Variants in LTA4H observed in about 807,000 individuals in gnomAD.
LTA4H encodes the protein leukotriene A-4 hydrolase.
Under a neutral mutation model 89.8 loss-of-function variants are expected in LTA4H, and 59 were observed. The ratio of observed to expected loss-of-function variants is 0.66; its 90% CI spans 0.53 to 0.82. The LOEUF (loss-of-function observed/expected upper bound fraction) is 0.82. LTA4H is among the 40% of genes least tolerant of loss of function. LTA4H has a pLI of 0.00. For synonymous variants in LTA4H, 227 were observed against 253.1 expected (o/e 0.90, Z 0.98); for missense variants, 617 against 727.0 (o/e 0.85, Z 1.74).
chr12:96,030,344 T>C (rs2247330), intron 1 of LTA4H, among the ~76,000 whole-genome samples: 45,955 of 152,066 alleles, frequency 0.3, 7,251 homozygotes, highest in East Asian at 0.42. Flanking sequence ...ACATCTTCAA[T>C]TAGTATCTCT....
Position 96,021,003 on chromosome 12 carries a change from T to C in LTA4H, c.638+82A>G, listed in dbSNP as rs140771386. The C allele has an allele frequency of 2.9e-6, 3 of 1,050,412 alleles. No individual in the cohort carries two copies. The Admixed American group carries it at 7.3e-5, about 25-fold the overall frequency. 65.1% of individuals were successfully genotyped at this position (1,050,412 alleles called of 1,614,324 possible). On this transcript the variant is annotated intron_variant, in intron 6 of 18. Coordinates refer to ENST00000228740, the MANE Select transcript of LTA4H (RefSeq NM_000895.3). Reference sequence around the variant, plus strand: ...GATATCTTGAGAAATATGCAAATGATTGACCAATTAACCTTGAGAGAAGTT... The same window carrying C: ...GATATCTTGAGAAATATGCAAATGACTGACCAATTAACCTTGAGAGAAGTT...
intron 1 of LTA4H, among the ~76,000 whole-genome samples, chr12:96,035,000 G>T (rs74457637): frequency 0.1 from 15,644 of 152,222 alleles, 1,049 homozygotes; most frequent in East Asian, 0.3. Flanking sequence ...AAAATTATGG[G>T]GGCTACTGCA....
At chr12:96,027,741 C>A in intron 2 of LTA4H, 177 bp from the exon 3 acceptor site, 1 of 386,024 alleles carries the variant, frequency 2.6e-6, no homozygotes, top group Non-Finnish European at 4.6e-6. Context: ...GTTTTCCTAC[C>A]TAATTGCCAG....
rs768954566 is a variant in LTA4H, at chr12:96,015,645, A to G, written c.997T>C (p.Leu333=). 2.5e-6 allele frequency: 4 copies of G among 1,614,114 alleles called. No homozygotes were observed. In the South Asian group the frequency reaches 4.4e-5, roughly 18 times the overall value. The change falls in exon 11 of 19, where the codon TTG becomes CTG. Residue 333 remains leucine (L), a synonymous_variant. Coordinates refer to ENST00000228740, the MANE Select transcript of LTA4H (RefSeq NM_000895.3). Reference sequence around the variant, plus strand: ...AAATGTCTGAACTTTTCACCAAACAATCGTCCGCAAATGTGGCGTTCCAAG... The same window carrying G: ...AAATGTCTGAACTTTTCACCAAACAGTCGTCCGCAAATGTGGCGTTCCAAG... ...VYLERHICGR[L]FGEKFRHFNA...
At chr12:96,028,584 A>G (rs1306100448) in intron 2 of LTA4H, among the ~76,000 whole-genome samples, 7 of 152,174 alleles carry the variant, frequency 4.6e-5, no homozygotes, top group Non-Finnish European at 1.0e-4. Flanking sequence ...CAGCAGGGTT[A>G]CTGTAAGGAT....
chr12:96,012,051 CCT>C (rs1950309496), intron 14 of LTA4H: 1 of 152,226 alleles, frequency 6.6e-6, no homozygotes. Flanking sequence ...TACCTGAGCT[CCT>C]GTTTCCCACC....
Position 96,006,397 on chromosome 12 carries a change from C to A in LTA4H, c.1447G>T (p.Asp483Tyr), listed in dbSNP as rs532536692. The A allele has an allele frequency of 3.1e-6, 5 of 1,604,480 alleles. No homozygotes were observed. Among genetic ancestry groups the A allele is most frequent in the Non-Finnish European group, 4.3e-6 (5 of 1,173,178 alleles). The change falls in exon 16 of 19, where the codon GAT becomes TAT. Residue 483 changes from aspartate (D) to tyrosine (Y), a missense_variant. Around this residue, in one of 3 missense-constraint regions of LTA4H, gnomAD observed 290 missense variants for 339.1 expected, o/e 0.86. Transcript: ENST00000228740. ...SQRWITAKED[D>Y]LNSFNATDLK... ...TCTGTGGCATTGAATGAATTTAAAT[C>A]ATCTTCTTTGGCCTGAAATAAATGT...
chr12:96,017,483 T>C, intron 9 of LTA4H, 74 bp downstream of exon 9: 1 of 1,268,878 alleles, frequency 7.9e-7, no homozygotes, highest in South Asian at 1.3e-5. Context: ...AACATAAAAA[T>C]ACAAGGGATA....
At chr12:96,024,338 C>T (rs926293660) in intron 4 of LTA4H, 141 bp downstream of exon 4, 4 of 533,026 alleles carry the variant, frequency 7.5e-6, no homozygotes, top group East Asian at 3.2e-5. Flanking sequence ...GCCACAGCCT[C>T]TTTGTTTACA....
chr12:96,012,798 C>T, intron 14 of LTA4H: 1 of 168,944 alleles, frequency 5.9e-6, no homozygotes, highest in Non-Finnish European at 1.3e-5. Context: ...ACTAGCTGTG[C>T]AACCTAGGGC....
chr12:96,014,889 T>G lies in LTA4H; in HGVS notation c.1170A>C (p.Leu390Phe). Reference protein sequence around the residue: ...SSVPYEKGFALLFYLEQLLGG... With the variant: ...SSVPYEKGFAFLFYLEQLLGG... ...CAAGCAGTTGTTCAAGGTAAAAAAGTAAAGCAAAGCCCTTCTCATAGGGAA... is the reference window on the plus strand; with the variant it reads ...CAAGCAGTTGTTCAAGGTAAAAAAGGAAAGCAAAGCCCTTCTCATAGGGAA... Residue 390 changes from leucine to phenylalanine, a missense_variant, in exon 12 of 19, where the codon TTA becomes TTC. Coordinates refer to ENST00000228740, the MANE Select transcript of LTA4H (RefSeq NM_000895.3). 6.2e-7 allele frequency: 1 copy of G among 1,613,420 alleles called. No homozygotes were observed. Among genetic ancestry groups the G allele is most frequent in the Non-Finnish European group, 8.5e-7 (1 of 1,179,720 alleles).
intron 17 of LTA4H, 48 bp from the exon 18 acceptor site, chr12:96,003,112 G>T: frequency 8.2e-7 from 1 of 1,217,880 alleles, no homozygotes; most frequent in Non-Finnish European, 1.2e-6. Flanking sequence ...TGAGGAAGGG[G>T]CAGGATATGA....
Position 96,000,958 on chromosome 12 carries a change from G to A in LTA4H, c.*31C>T. 2 of 1,374,784 alleles carry A rather than the reference G, an allele frequency of 1.5e-6. No individual in the cohort carries two copies. The highest frequency in any genetic ancestry group is 1.2e-5 in the South Asian group (1 of 84,796). 85.2% of individuals were successfully genotyped at this position (1,374,784 alleles called of 1,614,324 possible). Reference sequence around the variant, plus strand: ...CTTTACGAATTCCATTTAAAAAAGAGAAATCTCTAAAATCATCAATACGCA... The same window carrying A: ...CTTTACGAATTCCATTTAAAAAAGAAAAATCTCTAAAATCATCAATACGCA... On this transcript the variant is annotated 3_prime_UTR_variant, in exon 19 of 19. Coordinates refer to ENST00000228740, the MANE Select transcript of LTA4H (RefSeq NM_000895.3).
chr12:96,018,971 T>C (rs2136895586), intron 7 of LTA4H, 68 bp from the exon 8 acceptor site: 2 of 1,375,662 alleles, frequency 1.5e-6, no homozygotes, highest in South Asian at 2.8e-5. Flanking sequence ...TAAAATTGTA[T>C]ATTGCTTTCT....
chr12:96,002,925 G>T, intron 18 of LTA4H, 35 bp downstream of exon 18: 1 of 1,362,346 alleles, frequency 7.3e-7, no homozygotes, highest in East Asian at 2.4e-5. Flanking sequence ...CTGTTTCTTA[G>T]ATGAATTCAA....
intron 14 of LTA4H, chr12:96,010,769 G>A (rs1325898729): frequency 6.6e-6 from 1 of 152,236 alleles, no homozygotes; most frequent in East Asian, 1.9e-4. Context: ...GAGTGGCTGG[G>A]AGAAGTCAGA....
intron 1 of LTA4H, 62 bp from the exon 2 acceptor site, chr12:96,029,247 A>G (rs1592896707): frequency 1.1e-6 from 1 of 931,090 alleles, no homozygotes; most frequent in African/African-American, 1.7e-5. Flanking sequence ...AACTCATATT[A>G]GATATAGGCT....
At chr12:96,007,158 T>C (rs1283586971) in intron 15 of LTA4H, among the ~76,000 whole-genome samples, 1 of 152,226 alleles carries the variant, frequency 6.6e-6, no homozygotes. Flanking sequence ...AGTTTCTGTA[T>C]ATCCTTCCAC....
chr12:96,028,359 A>T (rs1950535062), intron 2 of LTA4H, among the ~76,000 whole-genome samples: 1 of 152,122 alleles, frequency 6.6e-6, no homozygotes, highest in Non-Finnish European at 1.5e-5. Context: ...AGCTAGACTT[A>T]AGTGTTTCCC....
Sources: gnomAD v4.1 joint callset for allele counts (sites outside exome capture counted in the v4.1 genomes callset) on GRCh38, gnomAD v4.1.1 for gene constraint, gnomAD v4.1.1 regional missense constraint, MANE v1.5 for transcripts, NCBI Gene and HGNC (gene_info 2026-07-23, HGNC 2026-07-21) for gene names.